Variants in RUNX2 observed in about 807,000 individuals in gnomAD.
RUNX2 encodes the protein RUNX family transcription factor 2.
RUNX2 carries 10 observed loss-of-function variants against 51.7 expected under a neutral mutation model. That is an observed-to-expected ratio of 0.19 (90% CI 0.12 to 0.33). The LOEUF (loss-of-function observed/expected upper bound fraction) is 0.33. Ranked by LOEUF, RUNX2 falls within the 10% of genes least tolerant of loss-of-function variation. RUNX2 has a pLI of 1.00. For missense variants in RUNX2, 562 were observed against 691.3 expected, an observed-to-expected ratio of 0.81 and a Z score of 2.10; for synonymous variants, 276 against 273.6, an observed-to-expected ratio of 1.01 and a Z score of -0.09.
intron 7 of RUNX2, among the ~76,000 whole-genome samples, chr6:45,531,253 C>T (rs183713271): frequency 7.9e-4 from 121 of 152,276 alleles, no homozygotes; most frequent in African/African-American, 2.8e-3. Flanking sequence ...TTTGTTATCA[C>T]TGATCTTTCC....
At chr6:45,369,765 T>C (rs778655360) in intron 2 of RUNX2, among the ~76,000 whole-genome samples, 43 of 152,292 alleles carry the variant, frequency 2.8e-4, no homozygotes, top group Admixed American at 5.9e-4. Flanking sequence ...AAATACATTA[T>C]AATGCAAGAG....
chr6:45,421,692 G>A (rs2150361344), intron 2 of RUNX2: 1 of 152,376 alleles, frequency 6.6e-6, no homozygotes, highest in African/African-American at 2.4e-5. Flanking sequence ...GACGCGACCT[G>A]GCGAGATTGC....
chr6:45,391,752 C>T (rs1442571882), intron 2 of RUNX2, among the ~76,000 whole-genome samples: 2 of 152,052 alleles, frequency 1.3e-5, no homozygotes, highest in Non-Finnish European at 2.9e-5. Flanking sequence ...TTATAAAACT[C>T]ACTATCACGA....
At chr6:45,507,679 C>T (rs931578900) in intron 6 of RUNX2, among the ~76,000 whole-genome samples, 2 of 152,112 alleles carry the variant, frequency 1.3e-5, no homozygotes, top group African/African-American at 2.4e-5. Flanking sequence ...TAGGATTTCT[C>T]TGGGAAGAAA....
intron 2 of RUNX2, among the ~76,000 whole-genome samples, chr6:45,417,646 T>C (rs1798092585): frequency 6.6e-6 from 1 of 152,186 alleles, no homozygotes. Context: ...CAAACTTTTC[T>C]GTAAAAAGTC....
Position 45,410,303 on chromosome 6 carries a change from A to G in RUNX2, c.59-12290A>G, listed in dbSNP as rs144583271. ...AGGAGTCCATTGTAGTTGAAGTTCA[A>G]GATGATAAAAGCCTGAACCTAAAGC... On this transcript the variant is annotated intron_variant, in intron 2 of 8. Transcript: ENST00000647337. Among the ~76,000 whole-genome samples the G allele has an allele frequency of 4.1e-3, 620 of 152,350 alleles. 5 individuals are homozygous for G. Among genetic ancestry groups the G allele is most frequent in the African/African-American group, 0.014 (582 of 41,588 alleles).
chr6:45,429,127 T>G (rs1798467031), intron 3 of RUNX2, among the ~76,000 whole-genome samples: 2 of 152,214 alleles, frequency 1.3e-5, no homozygotes, highest in Admixed American at 1.3e-4. Context: ...CAATTCATAT[T>G]GGAAAACTGT....
Position 45,438,126 on chromosome 6 carries a change from T to C in RUNX2, c.685+75T>C, listed in dbSNP as rs1232002917. 6 of 933,460 alleles carry C rather than the reference T, an allele frequency of 6.4e-6. No homozygotes were observed. In the East Asian group the frequency reaches 9.7e-5, roughly 15 times the overall value. 57.8% of individuals were successfully genotyped at this position (933,460 alleles called of 1,614,324 possible). A position where few individuals can be genotyped will look rare whatever the true frequency, so the allele number is the denominator to read the frequency against. On this transcript the variant is annotated intron_variant, in intron 5 of 8. Coordinates refer to ENST00000647337, the MANE Select transcript of RUNX2 (RefSeq NM_001024630.4). Reference sequence around the variant, plus strand: ...CTATGAGGAATTTATTCCAAATGAGTTAGTGTCACTTTCATGTCCATAGTG... The same window carrying C: ...CTATGAGGAATTTATTCCAAATGAGCTAGTGTCACTTTCATGTCCATAGTG...
At chr6:45,505,486 T>C (rs1800938355) in intron 6 of RUNX2, among the ~76,000 whole-genome samples, 1 of 152,078 alleles carries the variant, frequency 6.6e-6, no homozygotes, top group Non-Finnish European at 1.5e-5. Context: ...CTCCTAGAGC[T>C]CATGACTCTT....
chr6:45,362,450 A>C (rs1029023680), intron 2 of RUNX2, among the ~76,000 whole-genome samples: 4 of 152,220 alleles, frequency 2.6e-5, no homozygotes, highest in Non-Finnish European at 5.9e-5. Context: ...TAAACATAGC[A>C]GAATAAGTCC....
At chr6:45,394,231 C>T (rs924597908) in intron 2 of RUNX2, among the ~76,000 whole-genome samples, 28 of 152,236 alleles carry the variant, frequency 1.8e-4, no homozygotes, top group Admixed American at 1.8e-3. Context: ...CCAGATCTCA[C>T]ATGAACTCAG....
At chr6:45,351,001 T>C (rs1791895381) in intron 2 of RUNX2, among the ~76,000 whole-genome samples, 2 of 152,014 alleles carry the variant, frequency 1.3e-5, no homozygotes, top group Non-Finnish European at 2.9e-5. Context: ...ACGCGAAGGA[T>C]CTAAGTTCTG....
At chr6:45,507,691 C>T (rs908680679) in intron 6 of RUNX2, among the ~76,000 whole-genome samples, 92 of 152,014 alleles carry the variant, frequency 6.1e-4, no homozygotes, top group African/African-American at 2.2e-3. Flanking sequence ...GGGAAGAAAC[C>T]AAAACTTAAG....
chr6:45,470,901 C>T (rs957810290), intron 5 of RUNX2, among the ~76,000 whole-genome samples: 8 of 152,270 alleles, frequency 5.3e-5, no homozygotes, highest in African/African-American at 1.9e-4. Context: ...TAAACTGATT[C>T]ATTTTAACCC....
chr6:45,374,560 C>A (rs1298884868), intron 2 of RUNX2, among the ~76,000 whole-genome samples: 1 of 152,204 alleles, frequency 6.6e-6, no homozygotes, highest in Non-Finnish European at 1.5e-5. Context: ...ATGCATATGG[C>A]TGAATTATTT....
At chr6:45,532,124 A>G (rs988456334) in intron 7 of RUNX2, among the ~76,000 whole-genome samples, 9 of 147,286 alleles carry the variant, frequency 6.1e-5, no homozygotes, top group Non-Finnish European at 1.3e-4. Flanking sequence ...AAAAGATCCT[A>G]AATTTTTGAA....
intron 2 of RUNX2, among the ~76,000 whole-genome samples, chr6:45,390,357 G>C (rs1797445202): frequency 6.6e-6 from 1 of 152,210 alleles, no homozygotes; most frequent in Non-Finnish European, 1.5e-5. Flanking sequence ...AAGAGGTTCA[G>C]GCCGTCTTCC....
At chr6:45,402,534 TA>T (rs1263307048) in intron 2 of RUNX2, among the ~76,000 whole-genome samples, 4 of 152,194 alleles carry the variant, frequency 2.6e-5, no homozygotes, top group Non-Finnish European at 5.9e-5. Flanking sequence ...AATAATCAGT[TA>T]TATAAAGCAT....
At chr6:45,410,540 TG>T (rs1409064217) in intron 2 of RUNX2, among the ~76,000 whole-genome samples, 1 of 152,192 alleles carries the variant, frequency 6.6e-6, no homozygotes, top group Admixed American at 6.5e-5. Flanking sequence ...ATGCTGACTG[TG>T]GGGGCTATCT....
Sources: allele counts gnomAD v4.1 joint callset (sites outside exome capture counted in the v4.1 genomes callset), GRCh38; gene constraint gnomAD v4.1.1; transcripts MANE v1.5; gene names NCBI Gene and HGNC (gene_info 2026-07-23, HGNC 2026-07-21).